Variants in ANO6 observed in about 807,000 individuals in gnomAD.
The protein encoded by ANO6 is anoctamin 6, also known as anoctamin-6.
A neutral mutation model predicts 117.5 loss-of-function variants in ANO6; 106 were observed. That is an observed-to-expected ratio of 0.90 (90% CI 0.77 to 1.06). ANO6 has a LOEUF of 1.06. Among genes scored for constraint, ANO6 ranks in the 50% least tolerant of loss-of-function variants. The probability of loss-of-function intolerance (pLI) is 0.00; values close to 1 mark genes in which losing one functional copy is unlikely to be tolerated. For synonymous variants in ANO6, 367 were observed against 385.1 expected (o/e 0.95, Z 0.55); for missense variants, 955 against 1,121.1 (o/e 0.85, Z 2.12).
intron 9 of ANO6, among the ~76,000 whole-genome samples, chr12:45,373,997 G>T (rs551168629): frequency 3.9e-5 from 6 of 151,962 alleles, no homozygotes; most frequent in Non-Finnish European, 8.8e-5. Flanking sequence ...TCAAAGAGAC[G>T]CAATAAAAAA....
chr12:45,429,652 G>C lies in ANO6; in HGVS notation c.*341G>C. 1 of 1,147,110 alleles carries C rather than the reference G, an allele frequency of 8.7e-7. No individual in the cohort carries two copies. Among genetic ancestry groups the C allele is most frequent in the Non-Finnish European group, 1.1e-6 (1 of 926,912 alleles). The allele number at this position is 1,147,110 out of a possible 1,614,324, so 71.1% of individuals were successfully genotyped here. The stretch of plus-strand genomic sequence containing the variant: ...TTTCTGTTTGATTATTTTCATTTCT[G>C]TCTATTCTCAGGCGCATGATCTCCT... On this transcript the variant is annotated 3_prime_UTR_variant, in exon 20 of 20. Coordinates refer to ENST00000320560, the MANE Select transcript of ANO6 (RefSeq NM_001025356.3).
At chr12:45,233,679 G>A (rs879434547) in intron 1 of ANO6, among the ~76,000 whole-genome samples, 2 of 152,100 alleles carry the variant, frequency 1.3e-5, no homozygotes, top group Non-Finnish European at 2.9e-5. Flanking sequence ...ATAGTAAAAT[G>A]TACTGTTAAC....
chr12:45,360,285 C>T (rs931712050), intron 8 of ANO6, among the ~76,000 whole-genome samples: 2 of 152,106 alleles, frequency 1.3e-5, no homozygotes, highest in Non-Finnish European at 2.9e-5. Context: ...ATCAAGTTGC[C>T]GACATTTGGT....
chr12:45,325,296 T>C (rs1940423207), intron 2 of ANO6, among the ~76,000 whole-genome samples: 1 of 152,134 alleles, frequency 6.6e-6, no homozygotes, highest in African/African-American at 2.4e-5. Context: ...GTGGAAAACC[T>C]ACAGATCATT....
At chr12:45,439,970 G>C (rs761858367) in exon 20 of ANO6, 2 of 1,455,830 alleles carry the variant, frequency 1.4e-6, no homozygotes, top group African/African-American at 2.9e-5. Context: ...ACAAATATTT[G>C]TGTGTCTATT....
At chr12:45,355,107 C>T (rs966335673) in intron 7 of ANO6, among the ~76,000 whole-genome samples, 2 of 152,068 alleles carry the variant, frequency 1.3e-5, no homozygotes, top group African/African-American at 4.8e-5. Flanking sequence ...GGGACTGCTC[C>T]TTTTTATAAC....
At chr12:45,383,136 G>A (rs7299292) in intron 10 of ANO6, 15,413 of 220,194 alleles carry the variant, frequency 0.07, 922 homozygotes, top group African/African-American at 0.17. Flanking sequence ...TGTCGTTTCA[G>A]TAATGACAGC....
intron 1 of ANO6, among the ~76,000 whole-genome samples, chr12:45,266,952 C>T (rs1938238642): frequency 6.6e-6 from 1 of 152,006 alleles, no homozygotes; most frequent in Non-Finnish European, 1.5e-5. Flanking sequence ...ATGATTTAGT[C>T]AGTAACTCCT....
chr12:45,405,713 C>T (rs1324632114), intron 15 of ANO6, among the ~76,000 whole-genome samples: 5 of 152,098 alleles, frequency 3.3e-5, no homozygotes, highest in Non-Finnish European at 7.4e-5. Flanking sequence ...AGTTCGAGAC[C>T]AGCCTGACCA....
intron 13 of ANO6, among the ~76,000 whole-genome samples, chr12:45,402,816 A>G (rs1942827299): frequency 6.6e-6 from 1 of 152,212 alleles, no homozygotes; most frequent in Non-Finnish European, 1.5e-5. Context: ...TTTAAGGAAC[A>G]GTTGATTTTT....
chr12:45,231,143 C>A (rs1344371523), intron 1 of ANO6, among the ~76,000 whole-genome samples: 1 of 152,022 alleles, frequency 6.6e-6, no homozygotes, highest in African/African-American at 2.4e-5. Context: ...TTTAATTTTC[C>A]TACAAAACTA....
At chr12:45,379,673 AT>A (rs1942119523) in intron 10 of ANO6, among the ~76,000 whole-genome samples, 1 of 152,216 alleles carries the variant, frequency 6.6e-6, no homozygotes, top group Admixed American at 6.5e-5. Flanking sequence ...GATAGCCCCA[AT>A]TAAAGAAGAC....
intron 1 of ANO6, among the ~76,000 whole-genome samples, chr12:45,229,917 C>T (rs1303674240): frequency 2.9e-5 from 4 of 137,010 alleles, no homozygotes; most frequent in South Asian, 2.5e-4. Flanking sequence ...CTACTTCATA[C>T]GAAACGGTTG....
chr12:45,257,642 C>T (rs1937882854), intron 1 of ANO6, among the ~76,000 whole-genome samples: 1 of 152,198 alleles, frequency 6.6e-6, no homozygotes, highest in Non-Finnish European at 1.5e-5. Flanking sequence ...CCCTCCCCAC[C>T]ACACATCACT....
intron 9 of ANO6, among the ~76,000 whole-genome samples, chr12:45,370,491 G>A (rs529319836): frequency 6.6e-6 from 1 of 152,112 alleles, no homozygotes; most frequent in South Asian, 2.1e-4. Context: ...TCACAGGTGG[G>A]GTCTTCTTTT....
intron 1 of ANO6, among the ~76,000 whole-genome samples, chr12:45,218,041 G>A (rs369229843): frequency 6.6e-6 from 1 of 152,262 alleles, no homozygotes; most frequent in South Asian, 2.1e-4. Flanking sequence ...CATCTTAAGC[G>A]TGTGGCAGTA....
At chr12:45,395,117 G>T (rs948496890) in intron 12 of ANO6, among the ~76,000 whole-genome samples, 1 of 152,112 alleles carries the variant, frequency 6.6e-6, no homozygotes, top group African/African-American at 2.4e-5. Context: ...GAAGAAAAGA[G>T]AGAAGAATCA....
At chr12:45,304,669 G>T (rs550476991) in intron 2 of ANO6, among the ~76,000 whole-genome samples, 1 of 152,266 alleles carries the variant, frequency 6.6e-6, no homozygotes, top group Admixed American at 6.5e-5. Flanking sequence ...ATAGAGTTTG[G>T]CTAACAGGGA....
At chr12:45,346,288 C>T (rs1941129721) in intron 3 of ANO6, among the ~76,000 whole-genome samples, 1 of 152,166 alleles carries the variant, frequency 6.6e-6, no homozygotes, top group South Asian at 2.1e-4. Flanking sequence ...TTTAAAAGGT[C>T]AAACAAGTCT....
Sources: gnomAD v4.1 joint callset for allele counts (sites outside exome capture counted in the v4.1 genomes callset) on GRCh38, gnomAD v4.1.1 for gene constraint, MANE v1.5 for transcripts, NCBI Gene and HGNC (gene_info 2026-07-23, HGNC 2026-07-21) for gene names.